The following C8orf34 variants were observed in gnomAD, a reference collection of about 807,000 sequenced individuals.
C8orf34 encodes the protein chromosome 8 open reading frame 34, also known as uncharacterized protein C8orf34.
C8orf34 carries 65 observed loss-of-function variants against 68.3 expected under a neutral mutation model. The observed-to-expected ratio is 0.95, with a 90% CI of 0.78 to 1.17. The LOEUF is 1.17. Ranked by LOEUF, C8orf34 falls within the 50% of genes most tolerant of loss-of-function variation. The pLI is 0.00. For synonymous variants in C8orf34, 244 were observed against 241.2 expected (o/e 1.01, Z -0.11); for missense variants, 664 against 655.4 (o/e 1.01, Z -0.14).
intron 1 of C8orf34, among the ~76,000 whole-genome samples, chr8:68,414,820 A>G (rs1317914547): frequency 6.6e-6 from 1 of 152,064 alleles, no homozygotes; most frequent in Non-Finnish European, 1.5e-5. Flanking sequence ...GAAGCTCTGT[A>G]TAGTTGGCAC....
At chr8:68,626,418 T>G (rs1818539758) in intron 7 of C8orf34, among the ~76,000 whole-genome samples, 1 of 152,202 alleles carries the variant, frequency 6.6e-6, no homozygotes, top group Non-Finnish European at 1.5e-5. Context: ...TCAGACAGAG[T>G]CAACTTTACT....
intron 1 of C8orf34, among the ~76,000 whole-genome samples, chr8:68,356,702 G>A (rs959910314): frequency 2.6e-5 from 4 of 152,032 alleles, no homozygotes; most frequent in Non-Finnish European, 5.9e-5. Context: ...GTTCCTGGAA[G>A]TTCTTAGCAA....
intron 9 of C8orf34, among the ~76,000 whole-genome samples, chr8:68,714,092 C>G (rs993329024): frequency 1.3e-5 from 2 of 152,026 alleles, no homozygotes; most frequent in Admixed American, 6.6e-5. Flanking sequence ...ATCCAGCATC[C>G]CTTTAACATT....
chr8:68,352,412 G>A (rs370660453), intron 1 of C8orf34, among the ~76,000 whole-genome samples: 860 of 78,522 alleles, frequency 0.011, 8 homozygotes, highest in African/African-American at 0.067. Flanking sequence ...TGTTGTTTTG[G>A]TCACTTTTTC....
chr8:68,524,486 C>A (rs1814894207), intron 6 of C8orf34, among the ~76,000 whole-genome samples: 1 of 152,136 alleles, frequency 6.6e-6, no homozygotes, highest in Non-Finnish European at 1.5e-5. Context: ...TGGAGTCCTG[C>A]CACATCTTTC....
intron 10 of C8orf34, among the ~76,000 whole-genome samples, chr8:68,744,016 C>T (rs990000842): frequency 2.0e-5 from 3 of 152,102 alleles, no homozygotes; most frequent in Non-Finnish European, 4.4e-5. Context: ...AGTGGTTCTC[C>T]CAGCATGCAG....
At chr8:68,405,637 C>A (rs940797403) in intron 1 of C8orf34, among the ~76,000 whole-genome samples, 1 of 152,140 alleles carries the variant, frequency 6.6e-6, no homozygotes, top group Non-Finnish European at 1.5e-5. Context: ...GAATTATTTT[C>A]CTCTTCCTGG....
At chr8:68,336,792 G>T (rs988628095) in intron 1 of C8orf34, among the ~76,000 whole-genome samples, 1 of 152,130 alleles carries the variant, frequency 6.6e-6, no homozygotes, top group Non-Finnish European at 1.5e-5. Flanking sequence ...GCTAAGCAAG[G>T]TTTGGAGTAT....
intron 6 of C8orf34, 108 bp from the exon 7 acceptor site, chr8:68,532,875 A>G (rs1025159182): frequency 5.5e-6 from 4 of 726,026 alleles, no homozygotes; most frequent in Non-Finnish European, 6.6e-6. Context: ...CTTGGGGAAA[A>G]CTTTAGTAAC....
chr8:68,801,133 A>G (rs1040487518), intron 12 of C8orf34, among the ~76,000 whole-genome samples: 6 of 152,194 alleles, frequency 3.9e-5, no homozygotes, highest in Non-Finnish European at 5.9e-5. Flanking sequence ...CTGGGGTTTC[A>G]AAAGGCACTA....
intron 10 of C8orf34, among the ~76,000 whole-genome samples, chr8:68,743,519 GGTGCGCACACC>G (rs1822368285): frequency 6.6e-6 from 1 of 152,118 alleles, no homozygotes; most frequent in South Asian, 2.1e-4. Context: ...CAGGTCAGTG[GGTGCGCACACC>G]GTGCGCAAGC....
At chr8:68,638,571 C>G (rs1041715582) in intron 7 of C8orf34, among the ~76,000 whole-genome samples, 1 of 151,950 alleles carries the variant, frequency 6.6e-6, no homozygotes, top group African/African-American at 2.4e-5. Context: ...AACATCTTCT[C>G]TATGTTTGAT....
chr8:68,457,296 T>G (rs1286588463), intron 3 of C8orf34, among the ~76,000 whole-genome samples: 2 of 152,028 alleles, frequency 1.3e-5, no homozygotes, highest in Non-Finnish European at 2.9e-5. Context: ...GTACAATAGC[T>G]GAAAAATCAT....
At chr8:68,428,532 C>A (rs1810324819) in intron 1 of C8orf34, among the ~76,000 whole-genome samples, 1 of 151,568 alleles carries the variant, frequency 6.6e-6, no homozygotes, top group African/African-American at 2.4e-5. Context: ...CTCTGGATAA[C>A]CATTAAAAGA....
chr8:68,633,066 A>G (rs1263712226), intron 7 of C8orf34, among the ~76,000 whole-genome samples: 1 of 152,236 alleles, frequency 6.6e-6, no homozygotes, highest in Admixed American at 6.5e-5. Flanking sequence ...AGAGTTTTAA[A>G]AAATAATCAA....
chr8:68,570,013 C>G (rs935820596), intron 7 of C8orf34, among the ~76,000 whole-genome samples: 5 of 152,170 alleles, frequency 3.3e-5, no homozygotes, highest in African/African-American at 7.2e-5. Flanking sequence ...TGAGTCTCTT[C>G]TCATTGCACA....
intron 1 of C8orf34, among the ~76,000 whole-genome samples, chr8:68,380,389 A>G (rs2129620172): frequency 6.6e-6 from 1 of 152,358 alleles, no homozygotes; most frequent in African/African-American, 2.4e-5. Flanking sequence ...TTGAAGAGAA[A>G]CCTAGCATTT....
At position 68,784,065 on chromosome 8, in the gene C8orf34, T is replaced by C. The variant is rs889468286; in HGVS notation, c.1456-3378T>C. Among the ~76,000 whole-genome samples the C allele has an allele frequency of 9.2e-5, 14 of 152,292 alleles. No individual in the cohort carries two copies. The East Asian group carries it at 1.2e-3, about 13-fold the overall frequency. On this transcript the variant is annotated intron_variant, in intron 11 of 13. Transcript: ENST00000518698. ...ATTATTAGTAACCATATCTGTACTG[T>C]GTGCAGCTTTCCACAGGTTTTCCCT...
chr8:68,799,524 C>T (rs1459805169), intron 12 of C8orf34, among the ~76,000 whole-genome samples: 1 of 152,168 alleles, frequency 6.6e-6, no homozygotes, highest in Non-Finnish European at 1.5e-5. Flanking sequence ...TGCTTCACCT[C>T]CTCAAATTAA....
Sources: allele counts gnomAD v4.1 joint callset (sites outside exome capture counted in the v4.1 genomes callset), GRCh38; gene constraint gnomAD v4.1.1; transcripts MANE v1.5; gene names NCBI Gene and HGNC (gene_info 2026-07-23, HGNC 2026-07-21).